ERGIC1: variants seen among roughly 807,000 people sequenced by gnomAD.
ERGIC1 encodes endoplasmic reticulum-golgi intermediate compartment 1.
A neutral mutation model predicts 38.3 loss-of-function variants in ERGIC1; 19 were observed. The observed-to-expected ratio is 0.50, with a 90% confidence interval of 0.35 to 0.73. ERGIC1 has a LOEUF of 0.73. ERGIC1 is among the 30% of genes least tolerant of loss of function. ERGIC1 has a pLI of 0.01. For synonymous variants in ERGIC1, 124 were observed against 157.6 expected, an observed-to-expected ratio of 0.79 and a Z score of 1.60; for missense variants, 294 against 389.2, an observed-to-expected ratio of 0.76 and a Z score of 2.06.
At position 172,926,613 on chromosome 5, in the gene ERGIC1, A is replaced by G; in HGVS notation, c.541+44A>G. The G allele has an allele frequency of 1.2e-6, 2 of 1,603,864 alleles. No homozygotes were observed. Among genetic ancestry groups the G allele is most frequent in the South Asian group, 1.1e-5 (1 of 91,008 alleles). ...AACAGCCTTCTGCTCCAAGATGCCC[A>G]GTACAGCAGGCAGGGAGGGGGAGGG... On this transcript the variant is annotated intron_variant, in intron 7 of 9. Transcript: ENST00000393784. The surrounding 1 kb of genome is among the most constrained non-coding windows in gnomAD (Gnocchi z 5.2).
At chr5:172,878,847 G>T (rs550649696) in intron 1 of ERGIC1, among the ~76,000 whole-genome samples, 1 of 152,250 alleles carries the variant, frequency 6.6e-6, no homozygotes, top group East Asian at 1.9e-4. Context: ...CCGGGCCAGT[G>T]GTTCTCAGTA....
At chr5:172,856,406 A>G (rs1415683863) in intron 1 of ERGIC1, among the ~76,000 whole-genome samples, 1 of 144,808 alleles carries the variant, frequency 6.9e-6, no homozygotes, top group East Asian at 2.1e-4. Context: ...GTGTACAGGC[A>G]GGGAGTGAAT....
At chr5:172,844,188 G>A (rs1159954211) in intron 1 of ERGIC1, among the ~76,000 whole-genome samples, 1 of 152,216 alleles carries the variant, frequency 6.6e-6, no homozygotes, top group East Asian at 1.9e-4. Context: ...CCAGTCTGTG[G>A]TAAGGGAGAA....
At chr5:172,835,491 G>C (rs1284866925) in intron 1 of ERGIC1, among the ~76,000 whole-genome samples, 1 of 152,164 alleles carries the variant, frequency 6.6e-6, no homozygotes, top group South Asian at 2.1e-4. Flanking sequence ...GCAGAGTCTG[G>C]CATGATTTAG....
At chr5:172,934,726 T>C (rs1009269615) in intron 8 of ERGIC1, 1 of 212,460 alleles carries the variant, frequency 4.7e-6, no homozygotes, top group Admixed American at 5.0e-5. Context: ...TCTTCCTCCT[T>C]CTGCAGACTG....
intron 9 of ERGIC1, among the ~76,000 whole-genome samples, chr5:172,940,272 T>A (rs929540353): frequency 3.3e-5 from 5 of 152,184 alleles, no homozygotes; most frequent in Non-Finnish European, 5.9e-5. Flanking sequence ...CTGGAAGTCT[T>A]TAGCCAGGCT....
At chr5:172,842,523 GATAA>G (rs1761185005) in intron 1 of ERGIC1, among the ~76,000 whole-genome samples, 1 of 152,122 alleles carries the variant, frequency 6.6e-6, no homozygotes, top group African/African-American at 2.4e-5. Context: ...AATTCTTTTG[GATAA>G]ATACCCCAAA....
intron 1 of ERGIC1, among the ~76,000 whole-genome samples, chr5:172,880,649 G>A (rs1317682532): frequency 6.6e-6 from 1 of 152,198 alleles, no homozygotes; most frequent in Non-Finnish European, 1.5e-5. Flanking sequence ...AATACTCTGA[G>A]TTTAATTGCA....
At position 172,934,168 on chromosome 5, in the gene ERGIC1, G is replaced by T. The variant is rs1206333620; in HGVS notation, c.643-1020G>T. The T allele has an allele frequency of 3.3e-5, 5 of 152,470 alleles. No individual in the cohort carries two copies. The East Asian group carries it at 9.6e-4, about 29-fold the overall frequency. 9.4% of individuals were successfully genotyped at this position (152,470 alleles called of 1,614,324 possible). Reference sequence around the variant, plus strand: ...GGAGCAGGCAGCAGCGACCCAGCGGGAGGTCAGGGCTCAGTGTTACTTACC... The same window carrying T: ...GGAGCAGGCAGCAGCGACCCAGCGGTAGGTCAGGGCTCAGTGTTACTTACC... On this transcript the variant is annotated intron_variant, in intron 8 of 9. Coordinates refer to ENST00000393784, the MANE Select transcript of ERGIC1 (RefSeq NM_001031711.3).
At chr5:172,887,341 T>C (rs1762449023) in intron 1 of ERGIC1, among the ~76,000 whole-genome samples, 1 of 152,220 alleles carries the variant, frequency 6.6e-6, no homozygotes, top group East Asian at 1.9e-4. Flanking sequence ...GGGAGAACTG[T>C]CTGCTACGCA....
Position 172,896,887 on chromosome 5 carries a change from G to C in ERGIC1, c.83-115G>C, listed in dbSNP as rs1034919304. 8.5e-6 allele frequency: 8 copies of C among 945,800 alleles called. No individual in the cohort carries two copies. The African/African-American group carries it at 1.3e-4, about 16-fold the overall frequency. 58.6% of individuals were successfully genotyped at this position (945,800 alleles called of 1,614,324 possible). ...AGTCAGAAGGGGCTCTGGAGGGTCT[G>C]TGGGCACAGCCCCACACCCTTGTCC... On this transcript the variant is annotated intron_variant, in intron 2 of 9. Transcript: ENST00000393784.
intron 5 of ERGIC1, chr5:172,918,337 G>A (rs908200583): frequency 1.3e-5 from 2 of 152,204 alleles, no homozygotes; most frequent in African/African-American, 4.8e-5. Flanking sequence ...CATTTAAAAC[G>A]TAGGTATCAT....
intron 2 of ERGIC1, among the ~76,000 whole-genome samples, chr5:172,896,271 AGGT>A (rs1046670449): frequency 6.6e-6 from 1 of 152,196 alleles, no homozygotes; most frequent in Non-Finnish European, 1.5e-5. Flanking sequence ...TGAACCCAGG[AGGT>A]GGAAGTTGCA....
chr5:172,840,943 A>G (rs1187101617), intron 1 of ERGIC1, among the ~76,000 whole-genome samples: 3 of 152,134 alleles, frequency 2.0e-5, no homozygotes, highest in Non-Finnish European at 2.9e-5. Flanking sequence ...TGGCTGCCTC[A>G]CTGAGGACTC....
chr5:172,842,956 C>T (rs964147142), intron 1 of ERGIC1, among the ~76,000 whole-genome samples: 1 of 152,088 alleles, frequency 6.6e-6, no homozygotes, highest in Non-Finnish European at 1.5e-5. Context: ...CCAACCTGGC[C>T]AACATGGAGA....
rs199745472 is a variant in ERGIC1, at chr5:172,950,738, C to T, written c.795C>T (p.Thr265=). 2.7e-5 allele frequency: 44 copies of T among 1,613,050 alleles called. No individual in the cohort carries two copies. Among genetic ancestry groups the T allele is most frequent in the South Asian group, 7.7e-5 (7 of 90,948 alleles). The change falls in exon 10 of 10, where the codon ACC becomes ACT. Residue 265 remains threonine, a synonymous_variant. Transcript: ENST00000393784. ...TICAIIGGTF[T]VAGILDSCIF... is the part of the protein sequence containing the mutation. Reference sequence around the variant, plus strand: ...GTGCCATCATTGGCGGGACCTTCACCGTCGCCGGCATCCTGGACTCATGCA... The same window carrying T: ...GTGCCATCATTGGCGGGACCTTCACTGTCGCCGGCATCCTGGACTCATGCA...
chr5:172,902,254 C>T (rs1018863856), intron 3 of ERGIC1, among the ~76,000 whole-genome samples: 6 of 152,088 alleles, frequency 3.9e-5, no homozygotes, highest in Non-Finnish European at 5.9e-5. Flanking sequence ...TTGGAGGTCA[C>T]CTGGAGGTCA....
At position 172,909,608 on chromosome 5, in the gene ERGIC1, C is replaced by T. The variant is rs940676753; in HGVS notation, c.156-59C>T. ...AGTGAAGTGATCCCCGGCTGTCCCC[C>T]GCAGCTGAGATCTTTGCCGCCATCT... On this transcript the variant is annotated intron_variant, in intron 3 of 9. Coordinates refer to ENST00000393784, the MANE Select transcript of ERGIC1 (RefSeq NM_001031711.3). 1.8e-5 allele frequency: 27 copies of T among 1,500,118 alleles called. No individual in the cohort carries two copies. The Admixed American group carries it at 2.2e-4, about 12-fold the overall frequency. The allele number at this position is 1,500,118 out of a possible 1,614,324, so 92.9% of individuals were successfully genotyped here.
chr5:172,842,886 G>A (rs984362297), intron 1 of ERGIC1, among the ~76,000 whole-genome samples: 1 of 152,212 alleles, frequency 6.6e-6, no homozygotes, highest in Non-Finnish European at 1.5e-5. Context: ...ACTCACACCT[G>A]TAATCCCAGC....
Sources: gnomAD v4.1 joint callset for allele counts (sites outside exome capture counted in the v4.1 genomes callset) on GRCh38, gnomAD v4.1.1 for gene constraint, Gnocchi (gnomAD v3.1) non-coding constraint, MANE v1.5 for transcripts, NCBI Gene and HGNC (gene_info 2026-07-23, HGNC 2026-07-21) for gene names.